CSMD3: variants seen among roughly 807,000 people sequenced by gnomAD.
CSMD3 encodes the protein CUB and Sushi multiple domains 3.
CSMD3 carries 177 observed loss-of-function variants against 435.2 expected under a neutral mutation model. The ratio of observed to expected loss-of-function variants is 0.41; its 90% CI spans 0.36 to 0.46. The LOEUF (loss-of-function observed/expected upper bound fraction) is 0.46. Ranked by LOEUF, CSMD3 falls within the 20% of genes least tolerant of loss-of-function variation. The pLI, the probability that CSMD3 is intolerant of heterozygous loss-of-function variation, is 0.34. For synonymous variants in CSMD3, 1,656 were observed against 1,520.5 expected (o/e 1.09, Z -2.07); for missense variants, 4,265 against 4,504.6 (o/e 0.95, Z 1.52).
At chr8:112,286,130 A>G (rs577467741) in intron 58 of CSMD3, among the ~76,000 whole-genome samples, 1 of 152,190 alleles carries the variant, frequency 6.6e-6, no homozygotes, top group Admixed American at 6.6e-5. Flanking sequence ...TACAATTAAA[A>G]ATCTTAATAA....
chr8:112,337,784 A>C, intron 42 of CSMD3, 53 bp from the exon 43 acceptor site: 1 of 1,432,984 alleles, frequency 7.0e-7, no homozygotes, highest in Admixed American at 1.8e-5. Context: ...CAGAGGCCAC[A>C]GATAGGGTAC....
rs538620001 is a variant in CSMD3 at position 112,913,876 on chromosome 8, A to AAG, written c.1633+7750_1633+7751insCT. Among the ~76,000 whole-genome samples the AAG allele has an allele frequency of 1.4e-3, 209 of 151,906 alleles. 1 individual carries two copies. The highest frequency in any genetic ancestry group is 4.8e-3 in the African/African-American group (198 of 41,466). ...ACTCTTCTAGGCAGAGTGGTTCCTT[A>AAG]ATCGTCTTTGAACGGAATGCACCAT... On this transcript the variant is annotated intron_variant, in intron 10 of 70. Coordinates refer to ENST00000297405, the MANE Select transcript of CSMD3 (RefSeq NM_198123.2).
At chr8:113,137,873 C>G (rs2091454591) in intron 4 of CSMD3, among the ~76,000 whole-genome samples, 1 of 151,562 alleles carries the variant, frequency 6.6e-6, no homozygotes, top group South Asian at 2.1e-4. Flanking sequence ...CACTCAGTTT[C>G]TTATTGGAAT....
chr8:112,329,471 T>C (rs1823831105), intron 45 of CSMD3, among the ~76,000 whole-genome samples: 1 of 152,084 alleles, frequency 6.6e-6, no homozygotes, highest in South Asian at 2.1e-4. Flanking sequence ...ATAAAACTGC[T>C]CAAATTTTCT....
At chr8:112,546,548 T>C (rs1827198270) in intron 27 of CSMD3, among the ~76,000 whole-genome samples, 1 of 152,146 alleles carries the variant, frequency 6.6e-6, no homozygotes, top group Admixed American at 6.6e-5. Context: ...GGGAAGATTC[T>C]CAACAGAGAG....
rs555261106 is a variant in CSMD3, at chr8:112,674,718, G to A, written c.2677+7724C>T. 9.9e-5 allele frequency among the ~76,000 whole-genome samples: 15 copies of A among 152,242 alleles called. No individual in the cohort carries two copies. In the South Asian group the frequency reaches 1.7e-3, roughly 17 times the overall value. Reference sequence around the variant, plus strand: ...TTCTTTTGTTCAATAGGCATAGAAGGTAGATCAGCAAGCTCATTGTATAAG... The same window carrying A: ...TTCTTTTGTTCAATAGGCATAGAAGATAGATCAGCAAGCTCATTGTATAAG... On this transcript the variant is annotated intron_variant, in intron 16 of 70. Transcript: ENST00000297405.
chr8:112,709,088 A>G (rs187254014), intron 13 of CSMD3, among the ~76,000 whole-genome samples: 1 of 152,184 alleles, frequency 6.6e-6, no homozygotes, highest in Admixed American at 6.6e-5. Flanking sequence ...TCCCATTTGC[A>G]TGGTCTTCAT....
At chr8:112,376,821 T>C (rs541865365) in intron 38 of CSMD3, among the ~76,000 whole-genome samples, 1 of 152,308 alleles carries the variant, frequency 6.6e-6, no homozygotes, top group Admixed American at 6.5e-5. Context: ...TTTCAGGATC[T>C]ATACTCAGTG....
intron 5 of CSMD3, among the ~76,000 whole-genome samples, chr8:113,030,423 A>AAAT (rs796610347): frequency 8.3e-6 from 1 of 120,896 alleles, no homozygotes; most frequent in African/African-American, 3.6e-5. Context: ...CTGGTAAAAA[A>AAAT]AAAAAAAAAA....
chr8:112,423,542 T>C (rs1414557746), intron 32 of CSMD3, among the ~76,000 whole-genome samples: 1 of 152,088 alleles, frequency 6.6e-6, no homozygotes, highest in Non-Finnish European at 1.5e-5. Context: ...CTTAACCTCC[T>C]GGGCTCAAGC....
chr8:113,404,681 C>T (rs1013240668), intron 1 of CSMD3, among the ~76,000 whole-genome samples: 1 of 151,244 alleles, frequency 6.6e-6, no homozygotes, highest in Non-Finnish European at 1.5e-5. Flanking sequence ...CAAATGTGTG[C>T]CATTTATACT....
intron 22 of CSMD3, among the ~76,000 whole-genome samples, chr8:112,604,037 AG>A (rs1300525224): frequency 1.2e-4 from 18 of 152,292 alleles, no homozygotes; most frequent in African/African-American, 4.3e-4. Context: ...TTTCAATTTA[AG>A]ATCATCATCC....
At chr8:112,702,097 G>A (rs547364101) in intron 13 of CSMD3, among the ~76,000 whole-genome samples, 2 of 151,690 alleles carry the variant, frequency 1.3e-5, no homozygotes, top group East Asian at 1.9e-4. Flanking sequence ...TTTTTACTTT[G>A]TATCCCAAGT....
Position 113,436,921 on chromosome 8 carries a change from C to A in CSMD3, c.-67G>T, listed in dbSNP as rs2094710443. ...AGTGGAGTTGTTGCTGTTGTTGGTGCGCGGTCACAGCTCGGAGTGAATGGT... is the reference window on the plus strand; with the variant it reads ...AGTGGAGTTGTTGCTGTTGTTGGTGAGCGGTCACAGCTCGGAGTGAATGGT... On this transcript the variant is annotated 5_prime_UTR_variant, in exon 1 of 71. Transcript: ENST00000297405. 6.4e-7 allele frequency: 1 copy of A among 1,565,758 alleles called. No homozygotes were observed. The highest frequency in any genetic ancestry group is 2.2e-5 in the East Asian group (1 of 44,640).
At chr8:113,005,094 A>C (rs1331626525) in intron 6 of CSMD3, among the ~76,000 whole-genome samples, 6 of 151,836 alleles carry the variant, frequency 4.0e-5, no homozygotes, top group South Asian at 2.1e-4. Context: ...GTCAAGTGAT[A>C]TGTAGAGAGA....
chr8:112,753,810 C>A (rs2077628731), intron 13 of CSMD3, among the ~76,000 whole-genome samples: 1 of 152,168 alleles, frequency 6.6e-6, no homozygotes, highest in African/African-American at 2.4e-5. Flanking sequence ...GTTTTAAGGA[C>A]AATCAGCTTC....
chr8:113,262,753 A>C (rs2093437516), intron 3 of CSMD3, among the ~76,000 whole-genome samples: 1 of 152,020 alleles, frequency 6.6e-6, no homozygotes, highest in Admixed American at 6.6e-5. Flanking sequence ...TCAATAATAC[A>C]ATTGCAAGAA....
At chr8:113,126,104 G>A (rs2091118821) in intron 4 of CSMD3, among the ~76,000 whole-genome samples, 1 of 151,956 alleles carries the variant, frequency 6.6e-6, no homozygotes, top group Non-Finnish European at 1.5e-5. Context: ...CATAGGAAGT[G>A]TATAACTCTT....
intron 10 of CSMD3, among the ~76,000 whole-genome samples, chr8:112,919,128 C>A (rs539784048): frequency 6.6e-6 from 1 of 151,850 alleles, no homozygotes; most frequent in African/African-American, 2.4e-5. Flanking sequence ...CTAATATCTG[C>A]AAAATAAAAT....
Sources: allele counts gnomAD v4.1 joint callset (sites outside exome capture counted in the v4.1 genomes callset), GRCh38; gene constraint gnomAD v4.1.1; transcripts MANE v1.5; gene names NCBI Gene and HGNC (gene_info 2026-07-23, HGNC 2026-07-21).